Variants in DTNB observed in about 807,000 individuals in gnomAD.
The protein encoded by DTNB is dystrobrevin beta, also known as DTN-B.
Under a neutral mutation model 90.7 loss-of-function variants are expected in DTNB, and 63 were observed. The observed-to-expected ratio is 0.69, with a 90% CI of 0.57 to 0.86. The LOEUF is 0.86. DTNB is among the 40% of genes least tolerant of loss of function. DTNB has a pLI of 0.00. For synonymous variants in DTNB, 277 were observed against 286.7 expected (o/e 0.97, Z 0.34); for missense variants, 744 against 807.1 (o/e 0.92, Z 0.95).
Position 25,406,575 on chromosome 2 carries a change from T to C in DTNB, c.1575+12940A>G, listed in dbSNP as rs531821476. Among the ~76,000 whole-genome samples, 5 of 150,846 alleles carry C rather than the reference T, an allele frequency of 3.3e-5. No homozygotes were observed. The South Asian group carries it at 1.0e-3, about 32-fold the overall frequency. ...AAATTCGAGACCAGCTTGGCCAACA[T>C]TGGCCAACATAGTGAAATCCCATCT... On this transcript the variant is annotated intron_variant, in intron 16 of 20. Transcript: ENST00000406818.
chr2:25,605,034 T>C (rs997234426), intron 5 of DTNB, among the ~76,000 whole-genome samples: 4 of 152,188 alleles, frequency 2.6e-5, no homozygotes, highest in African/African-American at 7.2e-5. Context: ...CTGTTTAAAA[T>C]GGAAGGGGCA....
intron 12 of DTNB, among the ~76,000 whole-genome samples, chr2:25,449,448 A>G (rs936624930): frequency 6.6e-6 from 1 of 152,226 alleles, no homozygotes; most frequent in African/African-American, 2.4e-5. Context: ...CGCCAACAAC[A>G]GGGTGAGATT....
At chr2:25,536,310 G>A (rs1043232839) in intron 8 of DTNB, among the ~76,000 whole-genome samples, 2 of 152,214 alleles carry the variant, frequency 1.3e-5, no homozygotes, top group Non-Finnish European at 2.9e-5. Flanking sequence ...GTGGCGGGCG[G>A]GCAGAGGCTG....
intron 6 of DTNB, among the ~76,000 whole-genome samples, chr2:25,595,712 A>G (rs887980690): frequency 1.3e-5 from 2 of 152,216 alleles, no homozygotes; most frequent in African/African-American, 4.8e-5. Context: ...CCCTGTCTCC[A>G]GCACTCAGGA....
intron 9 of DTNB, among the ~76,000 whole-genome samples, chr2:25,507,723 G>A (rs1322559687): frequency 6.6e-6 from 1 of 152,158 alleles, no homozygotes; most frequent in Non-Finnish European, 1.5e-5. Flanking sequence ...CTTTTAAAAT[G>A]GAAGTCAGAT....
At position 25,576,230 on chromosome 2, in the gene DTNB, T is replaced by G. The variant is rs563899864; in HGVS notation, c.876+608A>C. Among the ~76,000 whole-genome samples, 13 of 145,312 alleles carry G rather than the reference T, an allele frequency of 8.9e-5. No individual in the cohort carries two copies. The East Asian group carries it at 1.2e-3, about 13-fold the overall frequency. ...CCCCTTGAACAGTTTTGTTTTTTTTTTTTTTTTTTTTTTGAGACAGAGTCT... is the reference window on the plus strand; with the variant it reads ...CCCCTTGAACAGTTTTGTTTTTTTTGTTTTTTTTTTTTTGAGACAGAGTCT... On this transcript the variant is annotated intron_variant, in intron 8 of 20. Transcript: ENST00000406818.
chr2:25,440,933 G>T (rs2057233158), intron 12 of DTNB, among the ~76,000 whole-genome samples: 1 of 152,058 alleles, frequency 6.6e-6, no homozygotes, highest in South Asian at 2.1e-4. Context: ...GACTCCTACT[G>T]GGTACCAAGT....
chr2:25,648,856 A>G (rs1334355748), intron 2 of DTNB, among the ~76,000 whole-genome samples: 2 of 152,198 alleles, frequency 1.3e-5, no homozygotes, highest in Admixed American at 6.5e-5. Context: ...AAATTAGGAC[A>G]TATCAGTTCT....
At chr2:25,428,531 T>C (rs1433313116) in intron 14 of DTNB, among the ~76,000 whole-genome samples, 1 of 151,902 alleles carries the variant, frequency 6.6e-6, no homozygotes, top group Non-Finnish European at 1.5e-5. Context: ...CTTCCCCAGT[T>C]CAAGTGATTC....
intron 8 of DTNB, among the ~76,000 whole-genome samples, chr2:25,546,843 CTT>C (rs930703040): frequency 6.9e-6 from 1 of 145,600 alleles, no homozygotes; most frequent in Non-Finnish European, 1.5e-5. Context: ...ATCTTCTATT[CTT>C]TTTTTTTTTT....
intron 12 of DTNB, among the ~76,000 whole-genome samples, chr2:25,449,273 G>A (rs1300415190): frequency 1.3e-5 from 2 of 152,158 alleles, no homozygotes; most frequent in Non-Finnish European, 2.9e-5. Flanking sequence ...CAGCTATTAT[G>A]AATTGAACTG....
chr2:25,405,455 C>T (rs1181814512), intron 16 of DTNB, among the ~76,000 whole-genome samples: 1 of 152,112 alleles, frequency 6.6e-6, no homozygotes, highest in African/African-American at 2.4e-5. Context: ...GCAGGAGAAT[C>T]ACTTGAACTG....
At chr2:25,457,807 A>G (rs1476970943) in intron 10 of DTNB, among the ~76,000 whole-genome samples, 1 of 152,180 alleles carries the variant, frequency 6.6e-6, no homozygotes, top group African/African-American at 2.4e-5. Context: ...AAGCTTAGAA[A>G]GCGTAGCATT....
intron 10 of DTNB, among the ~76,000 whole-genome samples, chr2:25,465,018 T>C (rs2061544929): frequency 6.6e-6 from 1 of 152,136 alleles, no homozygotes; most frequent in South Asian, 2.1e-4. Flanking sequence ...TAATTCACAG[T>C]AGTGTATGGG....
chr2:25,379,301 C>CT lies in DTNB; in HGVS notation c.*17dup, dbSNP rs1280570107. 3 of 1,323,550 alleles carry CT rather than the reference C, an allele frequency of 2.3e-6. No homozygotes were observed. The highest frequency in any genetic ancestry group is 2.9e-6 in the Non-Finnish European group (3 of 1,027,282). The allele number at this position is 1,323,550 out of a possible 1,614,324, so 82.0% of individuals were successfully genotyped here. ...CTCTTTGTACTCACCTGAGCTTCCT[C>CT]TGTGTCCGGCTCCTCTGCTAACCTG... On this transcript the variant is annotated 3_prime_UTR_variant, in exon 20 of 21. Coordinates refer to ENST00000406818, the MANE Select transcript of DTNB (RefSeq NM_021907.5).
At chr2:25,559,106 A>G (rs747221161) in intron 8 of DTNB, among the ~76,000 whole-genome samples, 8 of 152,152 alleles carry the variant, frequency 5.3e-5, no homozygotes, top group South Asian at 2.1e-4. Flanking sequence ...CACGACCTTT[A>G]TATCAGGTTA....
rs367912550 is a variant in DTNB, at chr2:25,563,987, C to T, written c.876+12851G>A. Among the ~76,000 whole-genome samples, 14 of 152,202 alleles carry T rather than the reference C, an allele frequency of 9.2e-5. No homozygotes were observed. The South Asian group carries it at 1.5e-3, about 16-fold the overall frequency. ...TGCGATCTCAGCTTACTGCAAGCTC[C>T]GCCTCCCAGGTTCACGCCATTCTCC... is the stretch of plus-strand genomic sequence containing the variant. On this transcript the variant is annotated intron_variant, in intron 8 of 20. Transcript: ENST00000406818.
intron 8 of DTNB, among the ~76,000 whole-genome samples, chr2:25,567,483 T>C (rs1559057758): frequency 6.6e-6 from 1 of 152,232 alleles, no homozygotes; most frequent in South Asian, 2.1e-4. Context: ...TCCATCAACA[T>C]TTTTTTAAGT....
At chr2:25,607,642 G>T (rs750061941) in intron 4 of DTNB, among the ~76,000 whole-genome samples, 3 of 152,134 alleles carry the variant, frequency 2.0e-5, no homozygotes, top group Non-Finnish European at 2.9e-5. Flanking sequence ...TAAATCCACA[G>T]CTGTAGTTCT....
Sources: allele counts gnomAD v4.1 joint callset (sites outside exome capture counted in the v4.1 genomes callset), GRCh38; gene constraint gnomAD v4.1.1; transcripts MANE v1.5; gene names NCBI Gene and HGNC (gene_info 2026-07-23, HGNC 2026-07-21).